The following FER variants were observed in gnomAD, a reference collection of about 807,000 sequenced individuals.
The protein encoded by FER is tyrosine-protein kinase Fer.
A neutral mutation model predicts 111.0 loss-of-function variants in FER; 63 were observed. That is an observed-to-expected ratio of 0.57 (90% CI 0.46 to 0.70). The LOEUF (loss-of-function observed/expected upper bound fraction) is 0.70. Among genes scored for constraint, FER ranks in the 30% least tolerant of loss-of-function variants. The pLI, the probability that FER is intolerant of heterozygous loss-of-function variation, is 0.00. For synonymous variants in FER, 327 were observed against 313.9 expected, an observed-to-expected ratio of 1.04 and a Z score of -0.44; for missense variants, 914 against 954.0, an observed-to-expected ratio of 0.96 and a Z score of 0.55.
intron 13 of FER, among the ~76,000 whole-genome samples, chr5:108,997,341 C>T (rs1764123484): frequency 6.6e-6 from 1 of 150,754 alleles, no homozygotes; most frequent in African/African-American, 2.4e-5. Context: ...TGGCGTGAAC[C>T]CAGGAGGCAG....
At chr5:108,835,931 A>G in intron 5 of FER, 124 bp downstream of exon 5, 1 of 509,822 alleles carries the variant, frequency 2.0e-6, no homozygotes. Flanking sequence ...CTCAAAATAA[A>G]CCCACATTGG....
chr5:109,115,779 G>C lies in FER; in HGVS notation c.2048+15260G>C, dbSNP rs1561913402. Among the ~76,000 whole-genome samples the C allele has an allele frequency of 2.0e-5, 3 of 152,066 alleles. No homozygotes were observed. The South Asian group carries it at 6.2e-4, about 32-fold the overall frequency. On this transcript the variant is annotated intron_variant, in intron 17 of 19. Coordinates refer to ENST00000281092, the MANE Select transcript of FER (RefSeq NM_005246.4). ...TTTTTATTTATAAACTTGGTAGTTA[G>C]ATGCTTTCTGTTTATAATTCAAAAT...
chr5:109,002,583 A>G (rs1764934621), intron 13 of FER, among the ~76,000 whole-genome samples: 1 of 152,192 alleles, frequency 6.6e-6, no homozygotes, highest in Non-Finnish European at 1.5e-5. Context: ...CATGTCTAGA[A>G]CAGCAAAAGC....
chr5:108,899,932 G>C (rs1749766686), intron 10 of FER, among the ~76,000 whole-genome samples: 1 of 152,116 alleles, frequency 6.6e-6, no homozygotes, highest in African/African-American at 2.4e-5. Flanking sequence ...AGAATGAATT[G>C]CCTTCCGGCA....
intron 13 of FER, among the ~76,000 whole-genome samples, chr5:109,017,916 T>G (rs1427063270): frequency 2.6e-5 from 4 of 151,912 alleles, no homozygotes; most frequent in African/African-American, 9.7e-5. Flanking sequence ...TGGTCACATA[T>G]ATGATTGTTG....
chr5:108,825,303 C>A (rs867133865), intron 3 of FER, among the ~76,000 whole-genome samples: 1 of 152,248 alleles, frequency 6.6e-6, no homozygotes, highest in South Asian at 2.1e-4. Context: ...GACAGGTACG[C>A]CCCGGGGGGC....
intron 10 of FER, among the ~76,000 whole-genome samples, chr5:108,912,535 T>G (rs1453120296): frequency 1.3e-5 from 2 of 152,170 alleles, no homozygotes; most frequent in Non-Finnish European, 2.9e-5. Context: ...CTAATTTTTG[T>G]ATTTTTAGTA....
At chr5:108,867,716 AT>A (rs34847332) in intron 5 of FER, 50 bp from the exon 6 acceptor site, 18 of 1,530,602 alleles carry the variant, frequency 1.2e-5, no homozygotes, top group Non-Finnish European at 1.2e-5. Context: ...TGAAGATACA[AT>A]TTTTTTTCTT....
intron 12 of FER, 32 bp downstream of exon 12, chr5:108,954,964 T>A: frequency 6.5e-7 from 1 of 1,549,984 alleles, no homozygotes; most frequent in Non-Finnish European, 8.8e-7. Flanking sequence ...TATGTATATT[T>A]TGATGTAGTT....
chr5:108,936,745 A>G (rs1413557672), intron 10 of FER, among the ~76,000 whole-genome samples: 4 of 152,004 alleles, frequency 2.6e-5, no homozygotes, highest in Admixed American at 6.6e-5. Context: ...CCTTTCTTGA[A>G]CTTGTTTTAT....
At chr5:109,110,656 A>T (rs1749498650) in intron 17 of FER, among the ~76,000 whole-genome samples, 1 of 151,326 alleles carries the variant, frequency 6.6e-6, no homozygotes, top group Admixed American at 6.6e-5. Context: ...TTTTAATTTT[A>T]TTATTATTAT....
chr5:108,804,671 A>G (rs531527765), intron 3 of FER, among the ~76,000 whole-genome samples: 3 of 152,304 alleles, frequency 2.0e-5, no homozygotes, highest in Admixed American at 6.5e-5. Context: ...ACCTTGCATC[A>G]CAGGAATGAA....
At chr5:108,856,139 A>G (rs995508205) in intron 5 of FER, among the ~76,000 whole-genome samples, 5 of 152,168 alleles carry the variant, frequency 3.3e-5, no homozygotes, top group African/African-American at 1.2e-4. Context: ...AGGACAGTTT[A>G]TTCATAGTAA....
intron 13 of FER, among the ~76,000 whole-genome samples, chr5:108,999,108 A>G (rs1764379459): frequency 6.6e-6 from 1 of 152,180 alleles, no homozygotes; most frequent in Non-Finnish European, 1.5e-5. Context: ...AACATTATGC[A>G]TAAACTTGTA....
intron 9 of FER, 85 bp from the exon 10 acceptor site, chr5:108,897,574 C>G: frequency 1.0e-6 from 1 of 1,002,708 alleles, no homozygotes; most frequent in Non-Finnish European, 1.3e-6. Flanking sequence ...AAAATGAAAT[C>G]AAAGAAAAGC....
chr5:109,131,863 A>T (rs1224087033), intron 17 of FER, among the ~76,000 whole-genome samples: 1 of 152,186 alleles, frequency 6.6e-6, no homozygotes, highest in Non-Finnish European at 1.5e-5. Flanking sequence ...AGTATCATGC[A>T]TACTCCTTGT....
At chr5:109,001,740 G>T (rs1208982200) in intron 13 of FER, among the ~76,000 whole-genome samples, 5 of 152,004 alleles carry the variant, frequency 3.3e-5, no homozygotes, top group Admixed American at 3.3e-4. Context: ...AAACCCCATC[G>T]TCTTAGCCCA....
Position 109,187,851 on chromosome 5 carries a change from G to A in FER, c.*276G>A, listed in dbSNP as rs1265265311. On this transcript the variant is annotated 3_prime_UTR_variant, in exon 20 of 20. Transcript: ENST00000281092. The stretch of plus-strand genomic sequence containing the variant: ...AATAGAAAAGCACAGGCTTCTAAGT[G>A]TGTGAAGGATAAAAGATCTATCCTA... 2.3e-6 allele frequency: 1 copy of A among 433,186 alleles called. No homozygotes were observed. Among genetic ancestry groups the A allele is most frequent in the Non-Finnish European group, 4.2e-6 (1 of 238,610 alleles). The allele number at this position is 433,186 out of a possible 1,614,324, so 26.8% of individuals were successfully genotyped here.
intron 1 of FER, among the ~76,000 whole-genome samples, chr5:108,749,557 G>A (rs1750217543): frequency 6.6e-6 from 1 of 152,092 alleles, no homozygotes; most frequent in Admixed American, 6.6e-5. Flanking sequence ...CTGGAGCCCC[G>A]CAGTCTCCCT....
Sources: gnomAD v4.1 joint callset for allele counts (sites outside exome capture counted in the v4.1 genomes callset) on GRCh38, gnomAD v4.1.1 for gene constraint, MANE v1.5 for transcripts, NCBI Gene and HGNC (gene_info 2026-07-23, HGNC 2026-07-21) for gene names.